The following KCNIP4 variants were observed in gnomAD, a reference collection of about 807,000 sequenced individuals.
KCNIP4 encodes the protein potassium voltage-gated channel interacting protein 4.
A neutral mutation model predicts 34.0 loss-of-function variants in KCNIP4; 12 were observed. The observed-to-expected ratio is 0.35, with a 90% CI of 0.23 to 0.57. The LOEUF is 0.57. KCNIP4 is among the 20% of genes least tolerant of loss of function. The pLI, the probability that KCNIP4 is intolerant of heterozygous loss-of-function variation, is 0.83. For synonymous variants in KCNIP4, 124 were observed against 102.2 expected (o/e 1.21, Z -1.29); for missense variants, 238 against 311.7 (o/e 0.76, Z 1.78).
At chr4:21,372,642 C>T (rs1240831246) in intron 1 of KCNIP4, among the ~76,000 whole-genome samples, 1 of 146,816 alleles carries the variant, frequency 6.8e-6, no homozygotes, top group Non-Finnish European at 1.5e-5. Context: ...GGTTTTGCAA[C>T]TACAGATCTA....
At chr4:20,779,342 C>T (rs1038767775) in intron 3 of KCNIP4, among the ~76,000 whole-genome samples, 1 of 151,930 alleles carries the variant, frequency 6.6e-6, no homozygotes, top group Non-Finnish European at 1.5e-5. Flanking sequence ...GAAAAAGAGA[C>T]AAGATTATCA....
intron 3 of KCNIP4, among the ~76,000 whole-genome samples, chr4:20,773,354 C>T (rs566493877): frequency 2.0e-5 from 3 of 152,280 alleles, no homozygotes; most frequent in African/African-American, 4.8e-5. Context: ...TCAAGGGTCA[C>T]GGTAGCTGCC....
chr4:21,208,097 C>T (rs1756976235), intron 1 of KCNIP4, among the ~76,000 whole-genome samples: 3 of 152,100 alleles, frequency 2.0e-5, no homozygotes, highest in African/African-American at 7.2e-5. Context: ...CCTGCCTCAG[C>T]CTCCCAATTA....
At chr4:21,760,020 A>T (rs1717937467) in intron 1 of KCNIP4, among the ~76,000 whole-genome samples, 1 of 152,052 alleles carries the variant, frequency 6.6e-6, no homozygotes, top group Non-Finnish European at 1.5e-5. Flanking sequence ...GTCTCCAACT[A>T]CTCTATTCAG....
intron 1 of KCNIP4, among the ~76,000 whole-genome samples, chr4:21,910,404 G>T (rs1270292512): frequency 6.6e-6 from 1 of 152,206 alleles, no homozygotes; most frequent in South Asian, 2.1e-4. Flanking sequence ...GAAATTCTGG[G>T]TCTTTTCAAG....
chr4:21,639,586 C>T (rs1577736119), intron 1 of KCNIP4, among the ~76,000 whole-genome samples: 1 of 152,068 alleles, frequency 6.6e-6, no homozygotes, highest in Non-Finnish European at 1.5e-5. Context: ...ATAAATTGCA[C>T]ATAATGTTTC....
Position 20,729,466 on chromosome 4 carries a change from A to AACTAATTTT in KCNIP4, c.*615_*616insAAAATTAGT, listed in dbSNP as rs773540263. On this transcript the variant is annotated 3_prime_UTR_variant, in exon 9 of 9. Coordinates refer to ENST00000382152, the MANE Select transcript of KCNIP4 (RefSeq NM_025221.6). ...ATTAGGCATATGCTGATATCTGATA[A>AACTAATTTT]TAAACTAATTTTTAAATGTTTAATA... 7.6e-6 allele frequency: 1 copy of AACTAATTTT among 132,368 alleles called. No homozygotes were observed. The highest frequency in any genetic ancestry group is 2.6e-5 in the African/African-American group (1 of 38,826). 8.2% of individuals were successfully genotyped at this position (132,368 alleles called of 1,614,324 possible).
At chr4:21,461,218 G>T (rs774266335) in intron 1 of KCNIP4, among the ~76,000 whole-genome samples, 2 of 151,802 alleles carry the variant, frequency 1.3e-5, no homozygotes, top group African/African-American at 2.4e-5. Context: ...CCTGTGTCTC[G>T]CTCTCTCTCC....
intron 1 of KCNIP4, among the ~76,000 whole-genome samples, chr4:21,571,050 T>C (rs941381866): frequency 6.6e-6 from 1 of 152,174 alleles, no homozygotes; most frequent in Non-Finnish European, 1.5e-5. Flanking sequence ...CACATCTCCT[T>C]TCAAAATATT....
chr4:20,884,795 G>A (rs1725104119), intron 1 of KCNIP4, among the ~76,000 whole-genome samples: 1 of 150,538 alleles, frequency 6.6e-6, no homozygotes, highest in Non-Finnish European at 1.5e-5. Flanking sequence ...GCAACCTCCA[G>A]GTTCAAGCAA....
chr4:20,840,037 T>C (rs931651269), intron 3 of KCNIP4, among the ~76,000 whole-genome samples: 2 of 152,206 alleles, frequency 1.3e-5, no homozygotes, highest in Admixed American at 1.3e-4. Flanking sequence ...CAATATGGTT[T>C]ATGTTGAACA....
intron 1 of KCNIP4, among the ~76,000 whole-genome samples, chr4:21,931,489 A>T (rs1319668427): frequency 7.2e-6 from 1 of 138,300 alleles, no homozygotes. Context: ...TCATTGTTCA[A>T]TTCCCACCTA....
At chr4:21,365,522 TAAAAAATAAAGAAAGAAAA>T (rs11271780) in intron 1 of KCNIP4, among the ~76,000 whole-genome samples, 36,159 of 113,382 alleles carry the variant, frequency 0.32, 5,101 homozygotes, top group South Asian at 0.39. Context: ...AATAAATAAA[TAAAAAATAAAGAAAGAAAA>T]GAAAAAGAAA....
intron 1 of KCNIP4, among the ~76,000 whole-genome samples, chr4:21,446,971 A>G (rs1467192557): frequency 6.6e-6 from 1 of 152,100 alleles, no homozygotes; most frequent in East Asian, 1.9e-4. Context: ...GTGATTATAA[A>G]TAAAGCTACT....
intron 1 of KCNIP4, among the ~76,000 whole-genome samples, chr4:21,439,098 C>T (rs968110341): frequency 6.7e-6 from 1 of 148,792 alleles, no homozygotes; most frequent in Admixed American, 6.8e-5. Context: ...GGAGGCGGAG[C>T]TTGCAGTGAG....
intron 2 of KCNIP4, among the ~76,000 whole-genome samples, chr4:20,864,324 A>G (rs952109949): frequency 1.3e-5 from 2 of 151,316 alleles, no homozygotes; most frequent in African/African-American, 2.4e-5. Flanking sequence ...ATACGTTTAT[A>G]TGCATATGTA....
chr4:21,174,602 CA>C (rs1303920606), intron 1 of KCNIP4, among the ~76,000 whole-genome samples: 3 of 151,990 alleles, frequency 2.0e-5, no homozygotes, highest in African/African-American at 7.2e-5. Flanking sequence ...ATATTACTTT[CA>C]AAAATGCATT....
At chr4:21,720,373 G>A (rs1349029660) in intron 1 of KCNIP4, among the ~76,000 whole-genome samples, 1 of 152,040 alleles carries the variant, frequency 6.6e-6, no homozygotes, top group African/African-American at 2.4e-5. Flanking sequence ...AGAGCAAATA[G>A]ATGTTAAGAA....
Position 21,672,664 on chromosome 4 carries a change from A to G in KCNIP4, c.61+275907T>C, listed in dbSNP as rs1201860151. On this transcript the variant is annotated intron_variant, in intron 1 of 8. Coordinates refer to ENST00000382152, the MANE Select transcript of KCNIP4 (RefSeq NM_025221.6). ...TTCCTTCAGGAAGGCTCAGGTGACG[A>G]TTGGGATAACCACATGTTCCAGGTG... Among the ~76,000 whole-genome samples the G allele has an allele frequency of 3.9e-5, 6 of 152,374 alleles. No homozygotes were observed. In the East Asian group the frequency reaches 1.2e-3, roughly 29 times the overall value.
Sources: allele counts gnomAD v4.1 joint callset (sites outside exome capture counted in the v4.1 genomes callset), GRCh38; gene constraint gnomAD v4.1.1; transcripts MANE v1.5; gene names NCBI Gene and HGNC (gene_info 2026-07-23, HGNC 2026-07-21).